Variants in ASIC2 observed in about 807,000 individuals in gnomAD.
The protein encoded by ASIC2 is acid sensing ion channel subunit 2, also known as acid-sensing ion channel 2.
Under a neutral mutation model 57.3 loss-of-function variants are expected in ASIC2, and 25 were observed. The ratio of observed to expected loss-of-function variants is 0.44; its 90% CI spans 0.32 to 0.61. The LOEUF (loss-of-function observed/expected upper bound fraction) is 0.61. ASIC2 is among the 20% of genes least tolerant of loss of function. ASIC2 has a pLI of 0.06. For missense variants in ASIC2, 641 were observed against 738.1 expected (o/e 0.87, Z 1.52); for synonymous variants, 319 against 307.5 (o/e 1.04, Z -0.39).
intron 1 of ASIC2, among the ~76,000 whole-genome samples, chr17:33,683,934 A>G (rs1417435160): frequency 6.6e-6 from 1 of 152,214 alleles, no homozygotes; most frequent in Non-Finnish European, 1.5e-5. Flanking sequence ...TAAGGTCATG[A>G]GGTACTGGGA....
chr17:33,981,293 G>T (rs1402980509), intron 1 of ASIC2, among the ~76,000 whole-genome samples: 1 of 152,182 alleles, frequency 6.6e-6, no homozygotes, highest in Non-Finnish European at 1.5e-5. Flanking sequence ...ACCATTGCAA[G>T]TAAATATCTA....
At chr17:33,483,250 C>T (rs1913469338) in intron 1 of ASIC2, among the ~76,000 whole-genome samples, 2 of 152,210 alleles carry the variant, frequency 1.3e-5, no homozygotes, top group Admixed American at 1.3e-4. Context: ...CTCCATCAAG[C>T]CCAACATCTG....
At chr17:34,087,446 G>C (rs570167004) in intron 1 of ASIC2, among the ~76,000 whole-genome samples, 2 of 149,592 alleles carry the variant, frequency 1.3e-5, no homozygotes, top group African/African-American at 4.9e-5. Context: ...TGGGTAACCC[G>C]ACCTTTCTCT....
intron 1 of ASIC2, among the ~76,000 whole-genome samples, chr17:34,012,285 T>G (rs1223362409): frequency 1.3e-5 from 2 of 152,124 alleles, no homozygotes; most frequent in Non-Finnish European, 2.9e-5. Flanking sequence ...CAAGCCACAT[T>G]TAGACAGTAG....
intron 1 of ASIC2, among the ~76,000 whole-genome samples, chr17:33,625,149 A>G (rs992864003): frequency 2.2e-4 from 33 of 152,162 alleles, no homozygotes; most frequent in Middle Eastern, 6.8e-3. Context: ...CTATCTATCT[A>G]TCTATCTATC....
rs978297486 is a variant in ASIC2, at chr17:33,177,073, C to T, written c.709-65006G>A. Reference sequence around the variant, plus strand: ...GGAATAAGATTTCCAGTGATAATCACCTTGTTTTTCCCTGCAATTCCTCTA... The same window carrying T: ...GGAATAAGATTTCCAGTGATAATCATCTTGTTTTTCCCTGCAATTCCTCTA... On this transcript the variant is annotated intron_variant, in intron 1 of 9. Transcript: ENST00000225823. 2.0e-5 allele frequency among the ~76,000 whole-genome samples: 3 copies of T among 152,166 alleles called. No homozygotes were observed. The East Asian group carries it at 5.8e-4, about 29-fold the overall frequency.
chr17:33,643,165 A>G (rs1906636561), intron 1 of ASIC2, among the ~76,000 whole-genome samples: 1 of 147,094 alleles, frequency 6.8e-6, no homozygotes, highest in Non-Finnish European at 1.5e-5. Flanking sequence ...CCCACATTTG[A>G]ACATCTCTGA....
At chr17:33,093,995 A>T (rs954465515) in intron 2 of ASIC2, among the ~76,000 whole-genome samples, 3 of 152,172 alleles carry the variant, frequency 2.0e-5, no homozygotes, top group African/African-American at 7.2e-5. Flanking sequence ...CTCCCCAGAT[A>T]GCTTCAGAGG....
At chr17:33,397,266 C>T (rs1040708390) in intron 1 of ASIC2, among the ~76,000 whole-genome samples, 1 of 152,182 alleles carries the variant, frequency 6.6e-6, no homozygotes, top group Non-Finnish European at 1.5e-5. Flanking sequence ...GCCAAATTCC[C>T]CTGGAATACA....
intron 1 of ASIC2, among the ~76,000 whole-genome samples, chr17:33,142,501 C>T (rs1380021891): frequency 6.6e-6 from 1 of 152,228 alleles, no homozygotes; most frequent in Non-Finnish European, 1.5e-5. Flanking sequence ...AATTTGAACT[C>T]ATAGCAGGTC....
At chr17:33,083,956 T>C (rs1280804678) in intron 3 of ASIC2, among the ~76,000 whole-genome samples, 1 of 152,160 alleles carries the variant, frequency 6.6e-6, no homozygotes, top group Non-Finnish European at 1.5e-5. Context: ...CCTAGAGTTT[T>C]AGGCTACTCC....
At chr17:34,042,508 A>G (rs1399607471) in intron 1 of ASIC2, among the ~76,000 whole-genome samples, 1 of 152,200 alleles carries the variant, frequency 6.6e-6, no homozygotes, top group African/African-American at 2.4e-5. Context: ...GCAAATTAGT[A>G]TCTAGTAAGG....
rs1907933326 is a variant in ASIC2, at chr17:34,037,458, A to T, written c.555+118520T>A. 1.3e-5 allele frequency: 9 copies of T among 691,470 alleles called. No individual in the cohort carries two copies. In the South Asian group the frequency reaches 1.9e-4, roughly 15 times the overall value. The allele number at this position is 691,470 out of a possible 1,614,324, so 42.8% of individuals were successfully genotyped here. On this transcript the variant is annotated intron_variant, in intron 1 of 9. Coordinates refer to the ASIC2 transcript ENST00000359872. ...TGCCCAAGGTTTCTCCTCAATGAGA[A>T]TCGATGCTGTCATGCTCTATGGATG...
chr17:33,391,785 A>G (rs904704856), intron 1 of ASIC2, among the ~76,000 whole-genome samples: 10 of 152,240 alleles, frequency 6.6e-5, no homozygotes, highest in African/African-American at 2.2e-4. Flanking sequence ...TATTGAACTC[A>G]TATATGTGCC....
At chr17:33,912,853 C>T (rs937098986) in intron 1 of ASIC2, among the ~76,000 whole-genome samples, 1 of 151,968 alleles carries the variant, frequency 6.6e-6, no homozygotes, top group East Asian at 2.0e-4. Flanking sequence ...GTGGTGCATG[C>T]CTATAATCCC....
intron 3 of ASIC2, among the ~76,000 whole-genome samples, chr17:33,068,547 A>AACAAAACAAC (rs1328654202): frequency 6.6e-6 from 1 of 151,860 alleles, no homozygotes; most frequent in African/African-American, 2.4e-5. Context: ...AACAAAACAA[A>AACAAAACAAC]ACAAAACAAA....
chr17:33,672,629 TC>T (rs1373955812), intron 1 of ASIC2, among the ~76,000 whole-genome samples: 2 of 152,182 alleles, frequency 1.3e-5, no homozygotes, highest in East Asian at 3.9e-4. Flanking sequence ...TAATGATTCT[TC>T]CAATTTTTAA....
chr17:33,702,599 T>A (rs2142070462), intron 1 of ASIC2, among the ~76,000 whole-genome samples: 1 of 151,962 alleles, frequency 6.6e-6, no homozygotes, highest in East Asian at 1.9e-4. Context: ...ATTAGGGAGA[T>A]CCCTATGAGC....
chr17:34,116,829 C>T (rs1435099437), intron 1 of ASIC2, among the ~76,000 whole-genome samples: 1 of 152,090 alleles, frequency 6.6e-6, no homozygotes, highest in Non-Finnish European at 1.5e-5. Context: ...CCTTCTGAGA[C>T]TCCGATACCT....
Sources: gnomAD v4.1 joint callset for allele counts (sites outside exome capture counted in the v4.1 genomes callset) on GRCh38, gnomAD v4.1.1 for gene constraint, MANE v1.5 for transcripts, NCBI Gene and HGNC (gene_info 2026-07-23, HGNC 2026-07-21) for gene names.